The following NCAM1 variants were observed in gnomAD, a reference collection of about 807,000 sequenced individuals.
The protein encoded by NCAM1 is neural cell adhesion molecule 1.
NCAM1 carries 14 observed loss-of-function variants against 109.8 expected under a neutral mutation model. The ratio of observed to expected loss-of-function variants is 0.13; its 90% CI spans 0.08 to 0.20. NCAM1 has a LOEUF of 0.20. Ranked by LOEUF, NCAM1 falls within the 10% of genes least tolerant of loss-of-function variation. The pLI is 1.00. For synonymous variants in NCAM1, 418 were observed against 442.9 expected (o/e 0.94, Z 0.70); for missense variants, 774 against 1,109.9 (o/e 0.70, Z 4.30).
intron 1 of NCAM1, among the ~76,000 whole-genome samples, chr11:113,050,143 G>C (rs1388007401): frequency 7.3e-6 from 1 of 136,196 alleles, no homozygotes; most frequent in East Asian, 2.6e-4. Flanking sequence ...CAGAGGGTGG[G>C]GGGGAATGAG....
intron 1 of NCAM1, 57 bp downstream of exon 1, chr11:112,961,721 A>T: frequency 9.2e-7 from 1 of 1,082,020 alleles, no homozygotes; most frequent in African/African-American, 1.6e-5. Context: ...CCTTCCTCCT[A>T]CTCCTAGGAG....
At chr11:113,061,466 A>G (rs782800027) in intron 1 of NCAM1, among the ~76,000 whole-genome samples, 8 of 152,284 alleles carry the variant, frequency 5.3e-5, no homozygotes, top group Non-Finnish European at 7.3e-5. Context: ...TATACCAAAT[A>G]AAAACGAAGC....
chr11:113,123,833 G>A (rs1428984988), intron 1 of NCAM1, among the ~76,000 whole-genome samples: 1 of 152,164 alleles, frequency 6.6e-6, no homozygotes, highest in South Asian at 2.1e-4. Flanking sequence ...GCCCCCTTGA[G>A]TAGGACCCTG....
intron 1 of NCAM1, among the ~76,000 whole-genome samples, chr11:113,188,350 C>T (rs1391017380): frequency 6.6e-6 from 1 of 152,216 alleles, no homozygotes; most frequent in Non-Finnish European, 1.5e-5. Flanking sequence ...CAGGACTCCA[C>T]ATCTATCTAA....
intron 1 of NCAM1, among the ~76,000 whole-genome samples, chr11:112,971,332 T>C (rs1460402411): frequency 6.6e-6 from 1 of 151,826 alleles, no homozygotes; most frequent in East Asian, 1.9e-4. Context: ...TCAAAAGAGT[T>C]TGGAAGCTAC....
intron 14 of NCAM1, among the ~76,000 whole-genome samples, chr11:113,239,499 CTTTTTTTTTTT>C (rs55641415): frequency 8.9e-4 from 98 of 110,208 alleles, no homozygotes; most frequent in African/African-American, 3.3e-3. Flanking sequence ...TGAGTCTCTA[CTTTTTTTTTTT>C]TTTTTTTTTT....
chr11:113,070,346 G>A (rs1390887590), intron 1 of NCAM1, among the ~76,000 whole-genome samples: 16 of 152,112 alleles, frequency 1.1e-4, no homozygotes, highest in Non-Finnish European at 2.9e-5. Context: ...GTGGATGACA[G>A]TGCCTTTGGG....
At chr11:113,143,541 G>A (rs1337261691) in intron 1 of NCAM1, among the ~76,000 whole-genome samples, 1 of 152,224 alleles carries the variant, frequency 6.6e-6, no homozygotes, top group Non-Finnish European at 1.5e-5. Flanking sequence ...TTGTATGTGT[G>A]AGACCATCTC....
intron 17 of NCAM1, among the ~76,000 whole-genome samples, chr11:113,260,609 G>A (rs1273834047): frequency 6.6e-6 from 1 of 152,160 alleles, no homozygotes; most frequent in African/African-American, 2.4e-5. Context: ...GATGGGAAAT[G>A]CCCCAGCTCC....
intron 1 of NCAM1, among the ~76,000 whole-genome samples, chr11:113,177,129 T>G (rs1359055794): frequency 6.6e-6 from 1 of 152,242 alleles, no homozygotes; most frequent in Admixed American, 6.5e-5. Context: ...ATGTGTTTTT[T>G]CTGGCTGCCT....
At chr11:113,051,050 T>G (rs548842131) in intron 1 of NCAM1, among the ~76,000 whole-genome samples, 1 of 152,320 alleles carries the variant, frequency 6.6e-6, no homozygotes, top group African/African-American at 2.4e-5. Flanking sequence ...AGGGAACCCA[T>G]GGACTAGCTT....
At chr11:113,239,645 T>G (rs2137350984) in intron 14 of NCAM1, among the ~76,000 whole-genome samples, 1 of 152,222 alleles carries the variant, frequency 6.6e-6, no homozygotes, top group Admixed American at 6.5e-5. Context: ...AAGAGGCATC[T>G]TGAGATTTTT....
At chr11:112,969,429 C>G (rs1322612686) in intron 1 of NCAM1, among the ~76,000 whole-genome samples, 2 of 152,062 alleles carry the variant, frequency 1.3e-5, no homozygotes, top group Admixed American at 1.3e-4. Context: ...GAATACATGC[C>G]AAGCAAACAG....
chr11:113,045,308 C>G (rs1555080611), intron 1 of NCAM1, among the ~76,000 whole-genome samples: 1 of 151,744 alleles, frequency 6.6e-6, no homozygotes, highest in Admixed American at 6.6e-5. Flanking sequence ...AGAGGATGGC[C>G]GTTTTCAGGG....
intron 7 of NCAM1, among the ~76,000 whole-genome samples, chr11:113,211,325 A>C (rs545247917): frequency 6.6e-6 from 1 of 152,242 alleles, no homozygotes; most frequent in Non-Finnish European, 1.5e-5. Flanking sequence ...AAAAGCCCAG[A>C]AGTCCTGTGG....
intron 7 of NCAM1, among the ~76,000 whole-genome samples, chr11:113,211,612 A>T (rs1380803283): frequency 6.6e-6 from 1 of 152,166 alleles, no homozygotes; most frequent in Non-Finnish European, 1.5e-5. Flanking sequence ...CATGCTCTTG[A>T]GGTCTCATGC....
At chr11:113,240,825 C>A in intron 14 of NCAM1, 1 of 1,613,460 alleles carries the variant, frequency 6.2e-7, no homozygotes, top group Non-Finnish European at 8.5e-7. Context: ...CCATTGTCTC[C>A]ACCAGATAGT....
chr11:113,183,736 A>G (rs1017541565), intron 1 of NCAM1, among the ~76,000 whole-genome samples: 2 of 151,476 alleles, frequency 1.3e-5, no homozygotes, highest in African/African-American at 4.9e-5. Context: ...ATTCGTGTTC[A>G]TAATACCAAC....
intron 14 of NCAM1, 112 bp downstream of exon 14, chr11:113,235,276 C>G (rs782606237): frequency 1.2e-6 from 2 of 1,600,736 alleles, no homozygotes; most frequent in Non-Finnish European, 1.7e-6. Flanking sequence ...TTTTGTCTTT[C>G]AGATCCCTCT....
Sources: allele counts gnomAD v4.1 joint callset (sites outside exome capture counted in the v4.1 genomes callset), GRCh38; gene constraint gnomAD v4.1.1; transcripts MANE v1.5; gene names NCBI Gene and HGNC (gene_info 2026-07-23, HGNC 2026-07-21).